The following SERTM1 variants were observed in gnomAD, a reference collection of about 807,000 sequenced individuals.
SERTM1 encodes the protein serine rich and transmembrane domain containing 1, also known as serine-rich and transmembrane domain-containing protein 1.
In SERTM1, 1 loss-of-function variant was observed where a neutral mutation model predicts 5.5. The ratio of observed to expected loss-of-function variants is 0.18; its 90% CI spans 0.06 to 0.86. The LOEUF is 0.86. SERTM1 is among the 40% of genes least tolerant of loss of function. SERTM1 has a pLI of 0.69. For synonymous variants in SERTM1, 52 were observed against 55.1 expected (o/e 0.94, Z 0.25); for missense variants, 91 against 122.4 (o/e 0.74, Z 1.21).
At chr13:36,679,650 A>C (rs950697576) in intron 1 of SERTM1, among the ~76,000 whole-genome samples, 3 of 152,002 alleles carry the variant, frequency 2.0e-5, no homozygotes, top group Non-Finnish European at 4.4e-5. Flanking sequence ...CAAGTGGTCC[A>C]CCCGCCTTGG....
intron 1 of SERTM1, among the ~76,000 whole-genome samples, chr13:36,675,263 C>T (rs762143693): frequency 5.7e-4 from 87 of 152,286 alleles, no homozygotes; most frequent in Non-Finnish European, 1.0e-3. Flanking sequence ...GTCTAGAGGA[C>T]GTCTCAAAGC....
chr13:36,685,445 C>T (rs554704887), intron 1 of SERTM1, among the ~76,000 whole-genome samples: 1 of 152,306 alleles, frequency 6.6e-6, no homozygotes, highest in South Asian at 2.1e-4. Flanking sequence ...TTTATGTAAC[C>T]TCTGTCTAAT....
chr13:36,676,281 G>C (rs1008333566), intron 1 of SERTM1, among the ~76,000 whole-genome samples: 1 of 151,662 alleles, frequency 6.6e-6, no homozygotes, highest in African/African-American at 2.4e-5. Flanking sequence ...TTATAAAAAA[G>C]AAAGACTAAC....
At chr13:36,677,438 A>G (rs980611304) in intron 1 of SERTM1, among the ~76,000 whole-genome samples, 2 of 152,198 alleles carry the variant, frequency 1.3e-5, no homozygotes, top group African/African-American at 4.8e-5. Flanking sequence ...GAAATTAGTC[A>G]GTCTAGGTCT....
At chr13:36,680,099 A>G (rs2056694246) in intron 1 of SERTM1, among the ~76,000 whole-genome samples, 1 of 152,206 alleles carries the variant, frequency 6.6e-6, no homozygotes, top group Non-Finnish European at 1.5e-5. Context: ...AAAATCAGAA[A>G]CACTGATTCC....
At chr13:36,691,144 T>C (rs2056775485) in intron 1 of SERTM1, among the ~76,000 whole-genome samples, 2 of 152,184 alleles carry the variant, frequency 1.3e-5, no homozygotes, top group Non-Finnish European at 2.9e-5. Context: ...GCTGGGCCCA[T>C]GCGCTGACTG....
At chr13:36,680,413 T>TA (rs906821213) in intron 1 of SERTM1, among the ~76,000 whole-genome samples, 10 of 152,066 alleles carry the variant, frequency 6.6e-5, no homozygotes, top group African/African-American at 1.9e-4. Flanking sequence ...GCCTCTGGAT[T>TA]AAAAAAAATT....
chr13:36,697,312 A>ATATATATATATATATATATATAT lies in SERTM1; in HGVS notation c.*1910_*1911insTATATATATATATATATATATAT, dbSNP rs2056822145. 3.5e-5 allele frequency: 5 copies of ATATATATATATATATATATATAT among 143,828 alleles called. No homozygotes were observed. Among genetic ancestry groups the ATATATATATATATATATATATAT allele is most frequent in the African/African-American group, 1.4e-4 (5 of 36,160 alleles). 8.9% of individuals were successfully genotyped at this position (143,828 alleles called of 1,614,324 possible). On this transcript the variant is annotated 3_prime_UTR_variant, in exon 2 of 2. Transcript: ENST00000315190. ...ATACGCACACACACACACACACATA[A>ATATATATATATATATATATATAT]ATATATATATATATATATATATATA...
At chr13:36,686,598 A>G (rs2056743043) in intron 1 of SERTM1, among the ~76,000 whole-genome samples, 1 of 152,156 alleles carries the variant, frequency 6.6e-6, no homozygotes, top group Admixed American at 6.5e-5. Context: ...TGGCTGAACC[A>G]CTTGAGGGTT....
chr13:36,687,858 A>G (rs1000387287), intron 1 of SERTM1, among the ~76,000 whole-genome samples: 23 of 152,148 alleles, frequency 1.5e-4, no homozygotes, highest in Admixed American at 1.5e-3. Flanking sequence ...CCTGTGAGAG[A>G]TGGAGTTTCA....
intron 1 of SERTM1, 61 bp from the exon 2 acceptor site, chr13:36,694,845 T>C: frequency 1.9e-6 from 1 of 524,308 alleles, no homozygotes; most frequent in South Asian, 3.0e-5. Flanking sequence ...AAATAAAACC[T>C]AAAAATGGAA....
chr13:36,674,841 G>A (rs982545861), intron 1 of SERTM1, among the ~76,000 whole-genome samples: 9 of 152,056 alleles, frequency 5.9e-5, no homozygotes, highest in African/African-American at 1.9e-4. Flanking sequence ...TTTCCCAGGG[G>A]CGTTTTCCCT....
intron 1 of SERTM1, among the ~76,000 whole-genome samples, chr13:36,677,933 C>A (rs2056680093): frequency 6.6e-6 from 1 of 151,932 alleles, no homozygotes; most frequent in Admixed American, 6.6e-5. Flanking sequence ...ACATTTAACC[C>A]CTGTTAGGAA....
In SERTM1 at chr13:36,695,292, T is replaced by A; in HGVS notation, c.214T>A (p.Ser72Thr). 6.2e-7 allele frequency: 1 copy of A among 1,614,132 alleles called. No individual in the cohort carries two copies. ...CCAGAGGCTCAAAAATATCATCTCC[T>A]CCAGTTCCTCCTACCCAGAGTATCC... Reference protein sequence around the residue: ...ALQRLKNIISSSSSYPEYPSD... With the variant: ...ALQRLKNIISTSSSYPEYPSD... The change falls in exon 2 of 2, where the codon TCC (serine) becomes ACC (threonine). Residue 72 changes from serine to threonine, a missense_variant. Physicochemically the swap from Ser to Thr is moderately conservative, Grantham distance 58. Coordinates refer to ENST00000315190, the MANE Select transcript of SERTM1 (RefSeq NM_203451.3).
intron 1 of SERTM1, among the ~76,000 whole-genome samples, chr13:36,675,637 TAAGTA>T (rs201144244): frequency 6.6e-6 from 1 of 151,910 alleles, no homozygotes; most frequent in African/African-American, 2.4e-5. Context: ...TTCATTTTAC[TAAGTA>T]GAGTAGTGTC....
intron 1 of SERTM1, among the ~76,000 whole-genome samples, chr13:36,693,016 A>G (rs1317824907): frequency 7.9e-5 from 12 of 152,232 alleles, no homozygotes; most frequent in Admixed American, 7.9e-4. Context: ...CAGAAAAGAA[A>G]TTATGTTTAC....
chr13:36,677,352 A>C (rs563933594), intron 1 of SERTM1, among the ~76,000 whole-genome samples: 1 of 152,310 alleles, frequency 6.6e-6, no homozygotes, highest in South Asian at 2.1e-4. Context: ...CATTTCCATC[A>C]GAAATGGGGT....
At chr13:36,689,753 T>C (rs1418375211) in intron 1 of SERTM1, among the ~76,000 whole-genome samples, 2 of 151,776 alleles carry the variant, frequency 1.3e-5, no homozygotes, top group Non-Finnish European at 2.9e-5. Context: ...CTGAGAATTA[T>C]ACCTTACGTA....
chr13:36,685,094 C>A (rs1593394987), intron 1 of SERTM1, among the ~76,000 whole-genome samples: 1 of 152,172 alleles, frequency 6.6e-6, no homozygotes, highest in African/African-American at 2.4e-5. Flanking sequence ...TCTAAAATGA[C>A]AACAGGCTGC....
Sources: allele counts gnomAD v4.1 joint callset (sites outside exome capture counted in the v4.1 genomes callset), GRCh38; gene constraint gnomAD v4.1.1; transcripts MANE v1.5; gene names NCBI Gene and HGNC (gene_info 2026-07-23, HGNC 2026-07-21).